PAX5: variants seen among roughly 807,000 people sequenced by gnomAD.
The protein encoded by PAX5 is paired box protein Pax-5.
In PAX5, 9 loss-of-function variants were observed where a neutral mutation model predicts 43.7. That is an observed-to-expected ratio of 0.21 (90% CI 0.12 to 0.36). PAX5 has a LOEUF of 0.36. PAX5 is among the 10% of genes least tolerant of loss of function. The probability of loss-of-function intolerance (pLI) is 1.00; values close to 1 mark genes in which losing one functional copy is unlikely to be tolerated. For synonymous variants in PAX5, 228 were observed against 214.3 expected (o/e 1.06, Z -0.56); for missense variants, 383 against 532.7 (o/e 0.72, Z 2.77).
chr9:36,857,918 G>A (rs1823832427), intron 8 of PAX5, among the ~76,000 whole-genome samples: 1 of 152,230 alleles, frequency 6.6e-6, no homozygotes, highest in Non-Finnish European at 1.5e-5. Flanking sequence ...TGTAGAAAGG[G>A]GAGCGCTGAT....
At chr9:36,956,953 A>G (rs1246253122) in intron 6 of PAX5, among the ~76,000 whole-genome samples, 7 of 152,236 alleles carry the variant, frequency 4.6e-5, no homozygotes, top group African/African-American at 1.7e-4. Flanking sequence ...TAAGCAGTTC[A>G]GTGAACAGGA....
At chr9:36,962,432 A>G (rs1029744268) in intron 6 of PAX5, among the ~76,000 whole-genome samples, 2 of 152,160 alleles carry the variant, frequency 1.3e-5, no homozygotes, top group Non-Finnish European at 2.9e-5. Flanking sequence ...AAAATGTTCT[A>G]GTCTATACAA....
At chr9:37,021,918 G>T (rs1483455908) in intron 1 of PAX5, among the ~76,000 whole-genome samples, 2 of 152,160 alleles carry the variant, frequency 1.3e-5, no homozygotes, top group East Asian at 3.9e-4. Flanking sequence ...ACTGGACTAG[G>T]ACTGGACCGT....
chr9:36,990,386 G>A (rs1025094895), intron 5 of PAX5, among the ~76,000 whole-genome samples: 1 of 152,182 alleles, frequency 6.6e-6, no homozygotes, highest in African/African-American at 2.4e-5. Context: ...AAGAGGTTTG[G>A]TATGACTGGA....
Position 36,981,434 on chromosome 9 carries a change from CA to C in PAX5, c.605-14711del, listed in dbSNP as rs571402545. Among the ~76,000 whole-genome samples, 435 of 97,112 alleles carry C rather than the reference CA, an allele frequency of 4.5e-3. 6 individuals carry two copies. Among genetic ancestry groups the C allele is most frequent in the African/African-American group, 0.016 (409 of 25,898 alleles). 63.7% of individuals were successfully genotyped at this position (97,112 alleles called of 152,430 possible). A position where few individuals can be genotyped will look rare whatever the true frequency, so the allele number is the denominator to read the frequency against. On this transcript the variant is annotated intron_variant, in intron 5 of 9. Transcript: ENST00000358127. Reference sequence around the variant, plus strand: ...GTAGAGTGAATTTCACTGAAACTGGCAAAAAAAAAAAAACAAAAAACAGGTA... The same window carrying C: ...GTAGAGTGAATTTCACTGAAACTGGCAAAAAAAAAAAACAAAAAACAGGTA...
chr9:36,891,898 C>A (rs1431734597), intron 7 of PAX5, among the ~76,000 whole-genome samples: 5 of 152,146 alleles, frequency 3.3e-5, no homozygotes, highest in African/African-American at 9.7e-5. Flanking sequence ...CTTTGCTAAC[C>A]CTCCTCACTC....
At chr9:36,986,773 A>G (rs1196930768) in intron 5 of PAX5, among the ~76,000 whole-genome samples, 1 of 152,150 alleles carries the variant, frequency 6.6e-6, no homozygotes, top group Non-Finnish European at 1.5e-5. Flanking sequence ...GCCGAGCTGT[A>G]TTCTCACGGT....
rs1587972356 is a variant in PAX5, at chr9:36,920,304, G to T, written c.910+3051C>A. Among the ~76,000 whole-genome samples, 7 of 152,320 alleles carry T rather than the reference G, an allele frequency of 4.6e-5. No homozygotes were observed. In the South Asian group the frequency reaches 1.5e-3, roughly 32 times the overall value. On this transcript the variant is annotated intron_variant, in intron 7 of 9. Coordinates refer to ENST00000358127, the MANE Select transcript of PAX5 (RefSeq NM_016734.3). ...AAAATGCTATCAAACAGCATCATAT[G>T]CTACAGAGAAATCTTTCATGAAAAG...
At chr9:37,024,917 G>T (rs988645113) in intron 1 of PAX5, among the ~76,000 whole-genome samples, 1 of 152,216 alleles carries the variant, frequency 6.6e-6, no homozygotes, top group African/African-American at 2.4e-5. Context: ...AAGTGCAGGG[G>T]CTGGTGCTCC....
chr9:36,867,591 C>T (rs934114386), intron 8 of PAX5, among the ~76,000 whole-genome samples: 1 of 152,206 alleles, frequency 6.6e-6, no homozygotes, highest in Non-Finnish European at 1.5e-5. Context: ...ATGGCCACAG[C>T]GGTCAGAAAC....
rs55793420 is a variant in PAX5 at position 36,848,350 on chromosome 9, C to CCACACACACACACACACACACACACA, written c.1013-1447_1013-1422dup. Among the ~76,000 whole-genome samples the CCACACACACACACACACACACACACA allele has an allele frequency of 2.3e-3, 319 of 136,430 alleles. 4 individuals carry two copies. Among genetic ancestry groups the CCACACACACACACACACACACACACA allele is most frequent in the African/African-American group, 8.4e-3 (296 of 35,134 alleles). 89.5% of individuals were successfully genotyped at this position (136,430 alleles called of 152,430 possible). A position where few individuals can be genotyped will look rare whatever the true frequency, so the allele number is the denominator to read the frequency against. ...CCTCACAACCACAGGCAGAGCGTGT[C>CCACACACACACACACACACACACACA]CACACACACACACACACACACACAC... On this transcript the variant is annotated intron_variant, in intron 8 of 9. Coordinates refer to ENST00000358127, the MANE Select transcript of PAX5 (RefSeq NM_016734.3).
At chr9:37,026,885 C>T (rs1840439643) in intron 1 of PAX5, among the ~76,000 whole-genome samples, 2 of 152,212 alleles carry the variant, frequency 1.3e-5, no homozygotes, top group Admixed American at 1.3e-4. Flanking sequence ...CCAAGGCGCC[C>T]GCGGCTTCGG....
At chr9:36,856,675 C>G (rs1823704179) in intron 8 of PAX5, 1 of 152,148 alleles carries the variant, frequency 6.6e-6, no homozygotes, top group Admixed American at 6.5e-5. Context: ...GCAGCTGGGA[C>G]TACGGGTTCA....
rs767859067 is a variant in PAX5 at position 36,846,823 on chromosome 9, G to A, written c.1099+20C>T. The A allele has an allele frequency of 1.3e-6, 2 of 1,599,540 alleles. No individual in the cohort carries two copies. Among genetic ancestry groups the A allele is most frequent in the Non-Finnish European group, 1.7e-6 (2 of 1,166,992 alleles). On this transcript the variant is annotated intron_variant, in intron 9 of 9. Transcript: ENST00000358127. ...TAGCTGATGGCCCAAGGGCCCCGCAGGGCCTCCGCCAGTACTCACCAAGCA... is the reference window on the plus strand; with the variant it reads ...TAGCTGATGGCCCAAGGGCCCCGCAAGGCCTCCGCCAGTACTCACCAAGCA...
intron 5 of PAX5, among the ~76,000 whole-genome samples, chr9:36,985,052 A>C (rs1050912058): frequency 6.6e-6 from 1 of 152,232 alleles, no homozygotes; most frequent in Admixed American, 6.5e-5. Flanking sequence ...GAAAATGGAC[A>C]AAGCTCACAC....
intron 8 of PAX5, among the ~76,000 whole-genome samples, chr9:36,879,213 CAA>C (rs1375133471): frequency 6.6e-6 from 1 of 152,212 alleles, no homozygotes; most frequent in Non-Finnish European, 1.5e-5. Flanking sequence ...TGTTAATGGG[CAA>C]AGAGTCGCCA....
At chr9:36,842,899 C>T (rs140555225) in intron 9 of PAX5, among the ~76,000 whole-genome samples, 65 of 152,294 alleles carry the variant, frequency 4.3e-4, no homozygotes, top group African/African-American at 1.5e-3. Context: ...CTCCTGGCAT[C>T]GCTGATCCTC....
At chr9:36,964,534 G>A (rs1372672275) in intron 6 of PAX5, among the ~76,000 whole-genome samples, 4 of 150,762 alleles carry the variant, frequency 2.7e-5, no homozygotes, top group Non-Finnish European at 5.9e-5. Flanking sequence ...GGAGGTTGCA[G>A]TGAGCTAGGA....
rs141028075 is a variant in PAX5, at chr9:36,883,112, T to TC, written c.911-1008dup. On this transcript the variant is annotated intron_variant, in intron 7 of 9. Transcript: ENST00000358127. ...GGATCGTGAGAGGGGAGGGAACTTG[T>TC]CCAAAGATACTCGGCTGACCTGAGG... Among the ~76,000 whole-genome samples the TC allele has an allele frequency of 8.0e-3, 1,219 of 152,248 alleles. 20 individuals are homozygous for TC. The highest frequency in any genetic ancestry group is 0.037 in the Admixed American group (570 of 15,292).
Sources: allele counts gnomAD v4.1 joint callset (sites outside exome capture counted in the v4.1 genomes callset), GRCh38; gene constraint gnomAD v4.1.1; transcripts MANE v1.5; gene names NCBI Gene and HGNC (gene_info 2026-07-23, HGNC 2026-07-21).